DLGAP2: variants seen among roughly 807,000 people sequenced by gnomAD.
The protein encoded by DLGAP2 is DLG associated protein 2.
In DLGAP2, 26 loss-of-function variants were observed where a neutral mutation model predicts 100.3. That is an observed-to-expected ratio of 0.26 (90% confidence interval 0.19 to 0.36). The LOEUF is 0.36. Among genes scored for constraint, DLGAP2 ranks in the 10% least tolerant of loss-of-function variants. The pLI is 1.00. For missense variants in DLGAP2, 1,858 were observed against 1,453.2 expected (o/e 1.28, Z -4.53); for synonymous variants, 886 against 630.1 (o/e 1.41, Z -6.08).
chr8:1,257,064 G>A (rs1475054754), intron 2 of DLGAP2, among the ~76,000 whole-genome samples: 1 of 151,664 alleles, frequency 6.6e-6, no homozygotes, highest in Admixed American at 6.6e-5. Flanking sequence ...CTCCACCGGC[G>A]CCCGTGAAGG....
chr8:1,042,887 G>A (rs1802399060), intron 2 of DLGAP2, among the ~76,000 whole-genome samples: 1 of 133,916 alleles, frequency 7.5e-6, no homozygotes, highest in African/African-American at 2.9e-5. Flanking sequence ...GTGGGTGTGG[G>A]TGATGGATGT....
At chr8:1,676,500 A>T (rs1438831847) in intron 10 of DLGAP2, 33 bp from the exon 11 acceptor site, 1 of 1,597,966 alleles carries the variant, frequency 6.3e-7, no homozygotes, top group Non-Finnish European at 8.5e-7. Flanking sequence ...CCCATGTTTC[A>T]GTTCTAAAAT....
chr8:1,557,835 C>T (rs571610018), intron 5 of DLGAP2, among the ~76,000 whole-genome samples: 1 of 152,192 alleles, frequency 6.6e-6, no homozygotes. Flanking sequence ...CAGTGCCCAC[C>T]CTGGTGACCT....
At chr8:1,189,570 C>T (rs569345404) in intron 2 of DLGAP2, among the ~76,000 whole-genome samples, 2 of 152,296 alleles carry the variant, frequency 1.3e-5, no homozygotes, top group East Asian at 3.9e-4. Flanking sequence ...CCAGCTTAAA[C>T]TCTACCTTTT....
chr8:1,325,973 G>A (rs1801012355), intron 3 of DLGAP2, among the ~76,000 whole-genome samples: 1 of 152,188 alleles, frequency 6.6e-6, no homozygotes, highest in Admixed American at 6.5e-5. Context: ...CCATGGGAAT[G>A]TGAGTTTCTG....
At chr8:1,201,758 C>T (rs950385082) in intron 2 of DLGAP2, among the ~76,000 whole-genome samples, 9 of 152,324 alleles carry the variant, frequency 5.9e-5, no homozygotes, top group South Asian at 2.1e-4. Context: ...GTGCTGTGCC[C>T]TCCCTCATCA....
chr8:1,519,839 C>T (rs965669263), intron 4 of DLGAP2, among the ~76,000 whole-genome samples: 14 of 152,360 alleles, frequency 9.2e-5, no homozygotes, highest in African/African-American at 1.4e-4. Flanking sequence ...CCGGCAGGGC[C>T]GCCCATGGCT....
chr8:1,165,760 T>G (rs907531270), intron 2 of DLGAP2, among the ~76,000 whole-genome samples: 2 of 152,358 alleles, frequency 1.3e-5, no homozygotes, highest in South Asian at 4.1e-4. Flanking sequence ...TCTTAGGAAC[T>G]CTAAAATTTT....
intron 2 of DLGAP2, among the ~76,000 whole-genome samples, chr8:1,219,132 C>G (rs766957208): frequency 6.6e-6 from 1 of 152,128 alleles, no homozygotes; most frequent in Non-Finnish European, 1.5e-5. Context: ...TGCCTGACTG[C>G]TCTGGCAAGG....
chr8:882,288 C>G (rs1387338602), intron 1 of DLGAP2, among the ~76,000 whole-genome samples: 2 of 150,574 alleles, frequency 1.3e-5, no homozygotes, highest in Non-Finnish European at 3.0e-5. Flanking sequence ...CCAGCGGCAC[C>G]TCTCCCTGCG....
At chr8:1,520,073 G>C (rs556243922) in intron 4 of DLGAP2, among the ~76,000 whole-genome samples, 1 of 152,326 alleles carries the variant, frequency 6.6e-6, no homozygotes, top group Non-Finnish European at 1.5e-5. Context: ...AGCTCTCTCT[G>C]CCCCTGGAGT....
intron 2 of DLGAP2, among the ~76,000 whole-genome samples, chr8:1,188,673 G>A (rs937630125): frequency 2.0e-5 from 3 of 152,098 alleles, no homozygotes; most frequent in Non-Finnish European, 4.4e-5. Flanking sequence ...CAGCACTCCG[G>A]GGGCAGGAAG....
chr8:844,609 C>T (rs566298625), intron 1 of DLGAP2, among the ~76,000 whole-genome samples: 11 of 152,312 alleles, frequency 7.2e-5, no homozygotes, highest in African/African-American at 1.9e-4. Flanking sequence ...TGTCCTTCCT[C>T]GCCTATCAAG....
intron 1 of DLGAP2, among the ~76,000 whole-genome samples, chr8:759,314 A>T (rs1321288145): frequency 6.7e-6 from 1 of 149,230 alleles, no homozygotes; most frequent in Non-Finnish European, 1.5e-5. Context: ...CCCCATTATC[A>T]ATACTGCCTG....
chr8:1,191,391 T>G lies in DLGAP2; in HGVS notation c.74-67460T>G, dbSNP rs111399333. ...TTCACCGTGTTAGCCAGGATGGTCT[T>G]GATCTCCTGACCTTGTGATCTGCCC... On this transcript the variant is annotated intron_variant, in intron 2 of 14. Coordinates refer to ENST00000637795, the MANE Select transcript of DLGAP2 (RefSeq NM_001346810.2). 7.3e-3 allele frequency among the ~76,000 whole-genome samples: 1,105 copies of G among 152,200 alleles called. 11 individuals carry two copies. The highest frequency in any genetic ancestry group is 0.025 in the African/African-American group (1,040 of 41,530).
intron 3 of DLGAP2, among the ~76,000 whole-genome samples, chr8:1,345,220 C>T (rs117408028): frequency 5.3e-5 from 8 of 152,192 alleles, no homozygotes; most frequent in African/African-American, 1.7e-4. Context: ...ACTGTATCCT[C>T]TGCTGAAGGT....
At position 964,543 on chromosome 8, in the gene DLGAP2, A is replaced by G. The variant is rs188154190; in HGVS notation, c.73+56577A>G. Among the ~76,000 whole-genome samples, 3 of 152,368 alleles carry G rather than the reference A, an allele frequency of 2.0e-5. No individual in the cohort carries two copies. The East Asian group carries it at 5.8e-4, about 29-fold the overall frequency. On this transcript the variant is annotated intron_variant, in intron 2 of 14. Transcript: ENST00000637795. ...AGCTGTTTATTTGAAACGTAAACAG[A>G]GTCCTTGGGAAATGTTGCTGGTATC...
intron 2 of DLGAP2, among the ~76,000 whole-genome samples, chr8:1,032,193 C>T (rs143196105): frequency 6.6e-5 from 10 of 152,360 alleles, no homozygotes; most frequent in African/African-American, 1.2e-4. Flanking sequence ...GGGAGCTGTT[C>T]GCCTTCCAGA....
At chr8:1,173,299 G>A (rs1797172186) in intron 2 of DLGAP2, among the ~76,000 whole-genome samples, 2 of 152,210 alleles carry the variant, frequency 1.3e-5, no homozygotes, top group Non-Finnish European at 2.9e-5. Context: ...CTACTGGGGG[G>A]TGCCTCCAGT....
Sources: allele counts gnomAD v4.1 joint callset (sites outside exome capture counted in the v4.1 genomes callset), GRCh38; gene constraint gnomAD v4.1.1; transcripts MANE v1.5; gene names NCBI Gene and HGNC (gene_info 2026-07-23, HGNC 2026-07-21).